Variants in LPP observed in about 807,000 individuals in gnomAD.
LPP encodes LIM domain containing preferred translocation partner in lipoma.
In LPP, 38 loss-of-function variants were observed where a neutral mutation model predicts 60.4. That is an observed-to-expected ratio of 0.63 (90% CI 0.49 to 0.83). LPP has a LOEUF of 0.83. LPP is among the 40% of genes least tolerant of loss of function. LPP has a pLI of 0.00. For missense variants in LPP, 902 were observed against 783.6 expected (o/e 1.15, Z -1.80); for synonymous variants, 328 against 290.8 (o/e 1.13, Z -1.30).
chr3:188,878,771 AAAAAG>A lies in LPP; in HGVS notation c.*4296_*4300del, dbSNP rs1441547976. 7.8e-5 allele frequency: 16 copies of A among 204,566 alleles called. No homozygotes were observed. The highest frequency in any genetic ancestry group is 1.6e-3 in the Middle Eastern group (1 of 632). 12.7% of individuals were successfully genotyped at this position (204,566 alleles called of 1,614,324 possible). ...AAAAGTAAAAAAGTAAAAAAAAAAAAAAAAGAAAGAAAGAAAAGAAAGAGAGAGAA... is the reference window on the plus strand; with the variant it reads ...AAAAGTAAAAAAGTAAAAAAAAAAAAAAAGAAAGAAAAGAAAGAGAGAGAA... On this transcript the variant is annotated 3_prime_UTR_variant, in exon 12 of 12. Transcript: ENST00000617246.
At chr3:188,394,693 A>G (rs984686935) in intron 3 of LPP, among the ~76,000 whole-genome samples, 1 of 152,136 alleles carries the variant, frequency 6.6e-6, no homozygotes, top group Admixed American at 6.6e-5. Context: ...AGAAGCTACT[A>G]CAACAGTTCT....
At chr3:188,655,002 A>G (rs769005211) in intron 7 of LPP, among the ~76,000 whole-genome samples, 8 of 152,232 alleles carry the variant, frequency 5.3e-5, no homozygotes, top group Non-Finnish European at 1.2e-4. Flanking sequence ...ATATGGAACA[A>G]ACATATGTGT....
chr3:188,346,426 AT>A (rs778079285), intron 3 of LPP, among the ~76,000 whole-genome samples: 396 of 135,396 alleles, frequency 2.9e-3, no homozygotes, highest in East Asian at 8.4e-3. Flanking sequence ...CGCCCAGCTA[AT>A]TTTTTTTTTT....
chr3:188,828,169 C>A (rs973131035), intron 9 of LPP, among the ~76,000 whole-genome samples: 1 of 151,814 alleles, frequency 6.6e-6, no homozygotes, highest in African/African-American at 2.4e-5. Context: ...AGTGGGGACA[C>A]AATAAACAAA....
chr3:188,324,326 T>C (rs1023611781), intron 2 of LPP, among the ~76,000 whole-genome samples: 3 of 152,228 alleles, frequency 2.0e-5, no homozygotes, highest in Non-Finnish European at 4.4e-5. Context: ...TTCCATCTAT[T>C]ATTACCATAA....
At chr3:188,450,351 C>T (rs1398318341) in intron 4 of LPP, among the ~76,000 whole-genome samples, 1 of 152,122 alleles carries the variant, frequency 6.6e-6, no homozygotes, top group East Asian at 1.9e-4. Context: ...CCAATATATA[C>T]CCTGCCCATA....
chr3:188,301,122 G>A (rs575434103), intron 2 of LPP, among the ~76,000 whole-genome samples: 16 of 152,028 alleles, frequency 1.1e-4, no homozygotes, highest in South Asian at 6.2e-4. Flanking sequence ...CCAGTCGTCC[G>A]TCTAACCATT....
chr3:188,496,362 C>T (rs1185591345), intron 5 of LPP, among the ~76,000 whole-genome samples: 2 of 152,134 alleles, frequency 1.3e-5, no homozygotes, highest in Admixed American at 6.5e-5. Flanking sequence ...CACCTGACCT[C>T]GTGATCTGCC....
At chr3:188,825,291 G>GTGTGTGTA (rs1755155161) in intron 9 of LPP, among the ~76,000 whole-genome samples, 1 of 150,342 alleles carries the variant, frequency 6.7e-6, no homozygotes, top group Non-Finnish European at 1.5e-5. Context: ...GTGTGTGTGT[G>GTGTGTGTA]TGTGTGTGTG....
chr3:188,832,761 C>T (rs1313928677), intron 9 of LPP, among the ~76,000 whole-genome samples: 6 of 152,156 alleles, frequency 3.9e-5, no homozygotes, highest in African/African-American at 1.4e-4. Flanking sequence ...GTGTGTATTA[C>T]AGAGGCTTGC....
At chr3:188,591,481 G>A (rs1838689802) in intron 6 of LPP, among the ~76,000 whole-genome samples, 1 of 152,148 alleles carries the variant, frequency 6.6e-6, no homozygotes, top group South Asian at 2.1e-4. Flanking sequence ...ATTGTACAAA[G>A]TAAAAGATGC....
At chr3:188,645,012 C>T (rs189804322) in intron 7 of LPP, among the ~76,000 whole-genome samples, 4 of 152,158 alleles carry the variant, frequency 2.6e-5, no homozygotes, top group Non-Finnish European at 2.9e-5. Context: ...CAAAATGGTA[C>T]GATGGCATCT....
intron 9 of LPP, among the ~76,000 whole-genome samples, chr3:188,786,668 A>T (rs1387183764): frequency 6.6e-6 from 1 of 152,134 alleles, no homozygotes; most frequent in Non-Finnish European, 1.5e-5. Flanking sequence ...AAGATTCCCA[A>T]CCTGGAAAAA....
At chr3:188,307,633 T>C (rs1231888157) in intron 2 of LPP, among the ~76,000 whole-genome samples, 1 of 152,228 alleles carries the variant, frequency 6.6e-6, no homozygotes, top group Non-Finnish European at 1.5e-5. Flanking sequence ...TTGTTTGTTG[T>C]ATCCCCACCT....
At chr3:188,283,961 A>G (rs1278199994) in intron 2 of LPP, among the ~76,000 whole-genome samples, 2 of 151,928 alleles carry the variant, frequency 1.3e-5, no homozygotes. Context: ...TGGGTGACAG[A>G]GCGAGACTCC....
chr3:188,868,856 A>C (rs1333650470), intron 10 of LPP, among the ~76,000 whole-genome samples: 1 of 152,238 alleles, frequency 6.6e-6, no homozygotes, highest in Non-Finnish European at 1.5e-5. Flanking sequence ...GTTGCATTAA[A>C]TGCTGAAGGA....
chr3:188,506,323 A>G (rs1813440154), intron 5 of LPP, among the ~76,000 whole-genome samples: 1 of 152,218 alleles, frequency 6.6e-6, no homozygotes, highest in South Asian at 2.1e-4. Flanking sequence ...AAGATAATGT[A>G]GAGTATCCAA....
intron 4 of LPP, among the ~76,000 whole-genome samples, chr3:188,467,868 T>C (rs553642796): frequency 2.0e-5 from 3 of 152,162 alleles, no homozygotes; most frequent in African/African-American, 4.8e-5. Flanking sequence ...TTTTAGTGCA[T>C]TGATATGCAT....
At chr3:188,270,956 A>G (rs1163566663) in intron 2 of LPP, among the ~76,000 whole-genome samples, 1 of 152,226 alleles carries the variant, frequency 6.6e-6, no homozygotes, top group Non-Finnish European at 1.5e-5. Context: ...AATCAATGGC[A>G]AAGTAGCAGG....
Sources: gnomAD v4.1 joint callset for allele counts (sites outside exome capture counted in the v4.1 genomes callset) on GRCh38, gnomAD v4.1.1 for gene constraint, MANE v1.5 for transcripts, NCBI Gene and HGNC (gene_info 2026-07-23, HGNC 2026-07-21) for gene names.